RTL9: variants seen among roughly 807,000 people sequenced by gnomAD.
The protein encoded by RTL9 is retrotransposon Gag like 9.
A neutral mutation model predicts 44.7 loss-of-function variants in RTL9; 19 were observed. The observed-to-expected ratio is 0.42, with a 90% CI of 0.30 to 0.62. RTL9 has a LOEUF of 0.62. RTL9 is among the 20% of genes least tolerant of loss of function. The probability of loss-of-function intolerance (pLI) is 0.16; values close to 1 mark genes in which losing one functional copy is unlikely to be tolerated. For missense variants in RTL9, 1,105 were observed against 1,080.6 expected, an observed-to-expected ratio of 1.02 and a Z score of -0.32; for synonymous variants, 407 against 398.9, an observed-to-expected ratio of 1.02 and a Z score of -0.24.
intron 1 of RTL9, among the ~76,000 whole-genome samples, chrX:110,432,400 C>T (rs963118550): frequency 8.9e-6 from 1 of 111,972 alleles, no homozygotes; most frequent in African/African-American, 3.3e-5. Flanking sequence ...AGGCAATCCC[C>T]AAGGGTGAGT....
intron 1 of RTL9, among the ~76,000 whole-genome samples, chrX:110,423,487 G>A (rs749965623): frequency 3.6e-5 from 4 of 112,053 alleles, no homozygotes; most frequent in Non-Finnish European, 7.5e-5. Context: ...TCTCCAGGCT[G>A]GCAGGTCACA....
At chrX:110,435,904 A>T (rs2068835435) in intron 1 of RTL9, among the ~76,000 whole-genome samples, 2 of 112,531 alleles carry the variant, frequency 1.8e-5, no homozygotes, top group South Asian at 7.4e-4. Flanking sequence ...CATGAACAGC[A>T]CTATGAGGTA....
intron 1 of RTL9, 23 bp from the exon 4 acceptor site, chrX:110,455,179 T>A: frequency 8.3e-7 from 1 of 1,208,904 alleles, no homozygotes; most frequent in Non-Finnish European, 1.1e-6. Flanking sequence ...CTCTTACCTC[T>A]GTTGTCTTTT....
At chrX:110,389,055 T>C (rs929080597) in intron 1 of RTL9, among the ~76,000 whole-genome samples, 4 of 112,219 alleles carry the variant, frequency 3.6e-5, no homozygotes, top group Non-Finnish European at 7.5e-5. Flanking sequence ...CCCTAGAAGA[T>C]ATTAATAGGT....
At chrX:110,452,539 C>A (rs376256124) in exon 1 of RTL9, 2 of 1,211,542 alleles carry the variant, frequency 1.7e-6, no homozygotes, top group East Asian at 3.0e-5. Context: ...GAAGCAATGC[C>A]CACACTGCTA....
intron 1 of RTL9, among the ~76,000 whole-genome samples, chrX:110,382,980 A>C (rs753163260): frequency 3.6e-5 from 4 of 112,086 alleles, no homozygotes; most frequent in Non-Finnish European, 7.5e-5. Context: ...TCAGTTTTAC[A>C]TGATGCAGTG....
exon 1 of RTL9, chrX:110,452,382 T>C (rs201492255): frequency 2.1e-5 from 26 of 1,209,722 alleles, no homozygotes; most frequent in Non-Finnish European, 2.9e-5. Flanking sequence ...TGGATCAACA[T>C]CCACGCTGTT....
intron 1 of RTL9, among the ~76,000 whole-genome samples, chrX:110,400,066 A>G (rs980315120): frequency 9.1e-6 from 1 of 110,438 alleles, no homozygotes; most frequent in Non-Finnish European, 1.9e-5. Flanking sequence ...CTGTGTGCTT[A>G]GAGGACTACT....
At chrX:110,451,363 C>T in exon 1 of RTL9, 1 of 1,211,960 alleles carries the variant, frequency 8.3e-7, no homozygotes, top group South Asian at 1.8e-5. Flanking sequence ...CTAATGACTG[C>T]TCTAGCCTCT....
intron 1 of RTL9, among the ~76,000 whole-genome samples, chrX:110,360,631 A>G (rs1385480282): frequency 8.9e-6 from 1 of 112,126 alleles, no homozygotes; most frequent in Non-Finnish European, 1.9e-5. Flanking sequence ...GCAAATGCTT[A>G]TGAATAGTGA....
chrX:110,427,757 C>T (rs1166703903), intron 1 of RTL9, among the ~76,000 whole-genome samples: 1 of 112,210 alleles, frequency 8.9e-6, no homozygotes, highest in African/African-American at 3.2e-5. Context: ...GTCATAACCA[C>T]CCCCAACACT....
chrX:110,382,299 C>T (rs2068425587), intron 1 of RTL9, among the ~76,000 whole-genome samples: 1 of 108,737 alleles, frequency 9.2e-6, no homozygotes, highest in Non-Finnish European at 1.9e-5. Flanking sequence ...GAACAGAAGG[C>T]GAATAAGCAA....
chrX:110,365,011 G>T (rs755190242), intron 1 of RTL9, among the ~76,000 whole-genome samples: 1 of 111,815 alleles, frequency 8.9e-6, no homozygotes, highest in South Asian at 3.8e-4. Context: ...AAACAGTAGG[G>T]ACTTCCTGTA....
chrX:110,393,424 C>T (rs1316045267), intron 1 of RTL9, among the ~76,000 whole-genome samples: 2 of 111,787 alleles, frequency 1.8e-5, no homozygotes, highest in Non-Finnish European at 3.8e-5. Flanking sequence ...AAGGCAGATA[C>T]TATTATCTTC....
intron 1 of RTL9, among the ~76,000 whole-genome samples, chrX:110,394,954 T>G (rs1276934586): frequency 8.9e-6 from 1 of 112,910 alleles, no homozygotes; most frequent in Non-Finnish European, 1.9e-5. Flanking sequence ...CCTAGGCTTA[T>G]ACTCCCAGAT....
intron 1 of RTL9, among the ~76,000 whole-genome samples, chrX:110,439,355 C>A (rs1293786016): frequency 8.9e-6 from 1 of 112,217 alleles, no homozygotes; most frequent in Non-Finnish European, 1.9e-5. Flanking sequence ...TGGAGCCTCC[C>A]CATTGTGGCA....
chrX:110,397,972 G>A (rs1414643594), intron 1 of RTL9, among the ~76,000 whole-genome samples: 5 of 112,265 alleles, frequency 4.5e-5, no homozygotes, highest in African/African-American at 9.7e-5. Flanking sequence ...GGTGGAGCAC[G>A]AACCCGCTTC....
chrX:110,424,790 A>C (rs2068742685), intron 1 of RTL9, among the ~76,000 whole-genome samples: 1 of 112,185 alleles, frequency 8.9e-6, no homozygotes, highest in Non-Finnish European at 1.9e-5. Flanking sequence ...AACAAGGATC[A>C]AGAAGGCTCT....
At chrX:110,395,678 C>T (rs750772574) in intron 1 of RTL9, among the ~76,000 whole-genome samples, 3 of 110,651 alleles carry the variant, frequency 2.7e-5, no homozygotes, top group Non-Finnish European at 5.7e-5. Context: ...TAATCCTGTG[C>T]GTGTTTGAAG....
Sources: gnomAD v4.1 joint callset for allele counts (sites outside exome capture counted in the v4.1 genomes callset) on GRCh38, gnomAD v4.1.1 for gene constraint, MANE v1.5 for transcripts, NCBI Gene and HGNC (gene_info 2026-07-23, HGNC 2026-07-21) for gene names.